ICAM3: variants seen among roughly 807,000 people sequenced by gnomAD.
ICAM3 encodes the protein ICAM-3.
Under a neutral mutation model 43.6 loss-of-function variants are expected in ICAM3, and 54 were observed. The ratio of observed to expected loss-of-function variants is 1.24; its 90% CI spans 0.99 to 1.55. The LOEUF (loss-of-function observed/expected upper bound fraction) is 1.55, where lower values mean the gene tolerates loss of function less well. ICAM3 is among the 40% of genes most tolerant of loss of function. The pLI, the probability that ICAM3 is intolerant of heterozygous loss-of-function variation, is 0.00. For missense variants in ICAM3, 715 were observed against 717.9 expected (o/e 1.00, Z 0.05); for synonymous variants, 306 against 312.6 (o/e 0.98, Z 0.22).
Position 10,333,804 on chromosome 19 carries a change from G to A in ICAM3, c.*53C>T. ...GGGAGTTTGAAGGCTTTATTGGTGC[G>A]GAATCTGAGGGCACAGCCAAGCCCC... On this transcript the variant is annotated 3_prime_UTR_variant, in exon 7 of 7. Transcript: ENST00000160262. The surrounding 1 kb of genome is among the most constrained non-coding windows in gnomAD (Gnocchi z 4.2). The A allele has an allele frequency of 6.4e-7, 1 of 1,569,844 alleles. No individual in the cohort carries two copies.
chr19:10,334,420 C>G lies in ICAM3; in HGVS notation c.1193-12G>C. Reference sequence around the variant, plus strand: ...AATTTTGGGACCATCTGTGGAACCACCATGTGTGATCAGACACCCAACACA... The same window carrying G: ...AATTTTGGGACCATCTGTGGAACCAGCATGTGTGATCAGACACCCAACACA... On this transcript the variant is annotated splice_polypyrimidine_tract_variant and intron_variant, in intron 5 of 6. Transcript: ENST00000160262. The surrounding 1 kb of genome is among the most constrained non-coding windows in gnomAD (Gnocchi z 5.5). The G allele has an allele frequency of 6.2e-7, 1 of 1,613,846 alleles. No homozygotes were observed. Among genetic ancestry groups the G allele is most frequent in the Non-Finnish European group, 8.5e-7 (1 of 1,179,832 alleles).
chr19:10,338,349 G>C (rs1015887181), intron 2 of ICAM3, among the ~76,000 whole-genome samples: 1 of 150,860 alleles, frequency 6.6e-6, no homozygotes, highest in Non-Finnish European at 1.5e-5. Flanking sequence ...GTTGCAGTGA[G>C]CCGACATCGT....
In ICAM3 at chr19:10,339,541, G is replaced by A; in HGVS notation, c.74C>T (p.Pro25Leu). The A allele has an allele frequency of 6.2e-7, 1 of 1,613,580 alleles. No individual in the cohort carries two copies. Residue 25 changes from proline to leucine, a missense_variant and splice_region_variant, in exon 1 of 7, where the codon CCA (proline) becomes CTA (leucine). Transcript: ENST00000160262. ...WTLLVCCLLT[P>L]GVQGQEFLLR... ...CTCCCCGGCTTGACTGGTCTCACCT[G>A]GGGTCAGCAGACAGCAGACCAGCAG...
Position 10,335,104 on chromosome 19 carries a change from C to A in ICAM3, c.899G>T (p.Gly300Val), listed in dbSNP as rs1444415218. The change falls in exon 4 of 7, where the codon GGC becomes GTC. Residue 300 changes from glycine to valine, a missense_variant. By Grantham distance (109) the Gly-to-Val change is moderately radical. Transcript: ENST00000160262. ...REIVCNVTLG[G>V]ERREARENLT... ...GTTCTCCCGGGCCTCCCGTCTCTCGCCCCCTAGGGTCACGTTGCAGACGAT... is the reference window on the plus strand; with the variant it reads ...GTTCTCCCGGGCCTCCCGTCTCTCGACCCCTAGGGTCACGTTGCAGACGAT... The A allele has an allele frequency of 1.9e-6, 3 of 1,613,666 alleles. No individual in the cohort carries two copies.
At position 10,338,878 on chromosome 19, in the gene ICAM3, CAG is replaced by C. The variant is rs749595089; in HGVS notation, c.145_146del (p.Leu49ValfsTer7). ...QNPVLSAGGSLFVNCSTDCPS... is the reference protein window; with the variant it reads ...QNPVLSAGGSXFVNCSTDCPS... ...GACAATCAGTACTGCAGTTCACAAA[CAG>C]GGACCCTCCAGCAGAGAGCACAGGG... On this transcript the variant is annotated frameshift_variant, in exon 2 of 7. Transcript: ENST00000160262. LOFTEE classifies it high-confidence loss of function. The C allele has an allele frequency of 1.2e-6, 2 of 1,614,172 alleles. No individual in the cohort carries two copies. The highest frequency in any genetic ancestry group is 3.3e-5 in the Admixed American group (2 of 60,006).
rs527279406 is a variant in ICAM3 at position 10,335,356 on chromosome 19, G to A, written c.650-3C>T. On this transcript the variant is annotated splice_polypyrimidine_tract_variant and splice_region_variant and intron_variant, in intron 3 of 6. Transcript: ENST00000160262. ...GCGCGGGGGGGTCACGGGCAGGACTGGGGAGAAAGGTGGGCATAGTACAAC... is the reference window on the plus strand; with the variant it reads ...GCGCGGGGGGGTCACGGGCAGGACTAGGGAGAAAGGTGGGCATAGTACAAC... 1 of 1,595,818 alleles carries A rather than the reference G, an allele frequency of 6.3e-7. No homozygotes were observed. The highest frequency in any genetic ancestry group is 1.3e-5 in the African/African-American group (1 of 74,656).
chr19:10,335,747 G>A lies in ICAM3; in HGVS notation c.573C>T (p.Arg191=), dbSNP rs1346640028. ...CCTGGGGCTGCATGTCCAGTTCTGTGCGGCATGAGAAAGGGGCTCCGTGGT... is the reference window on the plus strand; with the variant it reads ...CCTGGGGCTGCATGTCCAGTTCTGTACGGCATGAGAAAGGGGCTCCGTGGT... ...RDDHGAPFSC[R]TELDMQPQGL... Residue 191 remains arginine (R), a synonymous_variant, in exon 3 of 7, where the codon CGC becomes CGT. Transcript: ENST00000160262. 1.2e-6 allele frequency: 2 copies of A among 1,612,100 alleles called. No individual in the cohort carries two copies. The highest frequency in any genetic ancestry group is 2.2e-5 in the East Asian group (1 of 44,856).
intron 2 of ICAM3, chr19:10,336,189 C>A: frequency 3.9e-6 from 2 of 516,710 alleles, no homozygotes; most frequent in South Asian, 3.3e-5. Context: ...TTGCAAGGCG[C>A]TAAACAAAAC....
At position 10,339,557 on chromosome 19, in the gene ICAM3, A is replaced by C. The variant is rs145178286; in HGVS notation, c.58T>G (p.Cys20Gly). The C allele has an allele frequency of 1.9e-5, 30 of 1,613,892 alleles. No individual in the cohort carries two copies. The highest frequency in any genetic ancestry group is 5.0e-5 in the Admixed American group (3 of 59,998). ...GTCTCACCTGGGGTCAGCAGACAGC[A>C]GACCAGCAGAGTCCAGCAGGCCCTG... The part of the protein sequence containing the change: ...WPRACWTLLV[C>G]CLLTPGVQGQ... Residue 20 changes from cysteine to glycine, a missense_variant, in exon 1 of 7, where the codon TGC (cysteine) becomes GGC (glycine). Physicochemically the swap from Cys to Gly is radical, Grantham distance 159. Transcript: ENST00000160262.
At chr19:10,338,274 G>C (rs2040619015) in intron 2 of ICAM3, among the ~76,000 whole-genome samples, 1 of 151,874 alleles carries the variant, frequency 6.6e-6, no homozygotes, top group Admixed American at 6.6e-5. Context: ...GTGGTGGCGT[G>C]CATGTGTAAT....
chr19:10,339,453 G>T, intron 1 of ICAM3, 86 bp downstream of exon 1: 1 of 1,153,732 alleles, frequency 8.7e-7, no homozygotes, highest in South Asian at 1.3e-5. Context: ...GGCAGGATGT[G>T]AACAGCGTTG....
At position 10,339,313 on chromosome 19, in the gene ICAM3, G is replaced by GGT. The variant is rs371594208; in HGVS notation, c.76+224_76+225dup. 982 of 570,712 alleles carry GGT rather than the reference G, an allele frequency of 1.7e-3. 3 individuals are homozygous for GGT. Among genetic ancestry groups the GGT allele is most frequent in the African/African-American group, 0.014 (750 of 53,170 alleles). 35.4% of individuals were successfully genotyped at this position (570,712 alleles called of 1,614,324 possible). ...TTCAGATGGAGCAGGAAGCATGAGG[G>GGT]GTGTGTGTGTGTGTGTTAGGGGAGA... On this transcript the variant is annotated intron_variant, in intron 1 of 6. Coordinates refer to ENST00000160262, the MANE Select transcript of ICAM3 (RefSeq NM_002162.5).
At position 10,335,739 on chromosome 19, in the gene ICAM3, A is replaced by G. The variant is rs776505448; in HGVS notation, c.581T>C (p.Leu194Pro). 3.7e-6 allele frequency: 6 copies of G among 1,611,590 alleles called. No individual in the cohort carries two copies. In the South Asian group the frequency reaches 5.5e-5, roughly 15 times the overall value. Residue 194 changes from leucine (L) to proline (P), a missense_variant, in exon 3 of 7, where the codon CTG (leucine) becomes CCG (proline). Transcript: ENST00000160262. ...HGAPFSCRTE[L>P]DMQPQGLGLF... is the part of the protein sequence containing the mutation. ...TCCCAGCCCCTGGGGCTGCATGTCC[A>G]GTTCTGTGCGGCATGAGAAAGGGGC... is the stretch of plus-strand genomic sequence containing the variant.
At position 10,334,344 on chromosome 19, in the gene ICAM3, G is replaced by A; in HGVS notation, c.1257C>T (p.His419=). The A allele has an allele frequency of 1.2e-6, 2 of 1,614,190 alleles. No individual in the cohort carries two copies. The highest frequency in any genetic ancestry group is 1.7e-5 in the Admixed American group (1 of 60,010). The change falls in exon 6 of 7, where the codon CAC becomes CAT. Residue 419 remains histidine, a synonymous_variant. Transcript: ENST00000160262. The surrounding 1 kb of genome is among the most constrained non-coding windows in gnomAD (Gnocchi z 5.5). ...QHLKWKDKTR[H]VLQCQARGNP... is the part of the protein sequence containing the mutation. ...TGCCCCTGGCTTGGCACTGCAGGACGTGTCTCGTTTTATCTTTCCATTTCA... is the reference window on the plus strand; with the variant it reads ...TGCCCCTGGCTTGGCACTGCAGGACATGTCTCGTTTTATCTTTCCATTTCA...
chr19:10,335,883 G>A lies in ICAM3; in HGVS notation c.437C>T (p.Pro146Leu). The change falls in exon 3 of 7, where the codon CCC becomes CTC. Residue 146 changes from proline to leucine, a missense_variant. Physicochemically the swap from Pro to Leu is moderately conservative, Grantham distance 98. Coordinates refer to ENST00000160262, the MANE Select transcript of ICAM3 (RefSeq NM_002162.5). ...TLRCQVEDGS[P>L]RTSLTVVLLR... ...CAGCACCACCGTGAGGCTGGTCCGGGGCGACCCATCCTCCACTTGGCAGCG... is the reference window on the plus strand; with the variant it reads ...CAGCACCACCGTGAGGCTGGTCCGGAGCGACCCATCCTCCACTTGGCAGCG... 6 of 1,605,568 alleles carry A rather than the reference G, an allele frequency of 3.7e-6. No individual in the cohort carries two copies. Among genetic ancestry groups the A allele is most frequent in the Non-Finnish European group, 5.1e-6 (6 of 1,178,486 alleles).
At chr19:10,336,419 C>T (rs1398991080) in intron 2 of ICAM3, among the ~76,000 whole-genome samples, 3 of 152,004 alleles carry the variant, frequency 2.0e-5, no homozygotes, top group African/African-American at 7.3e-5. Context: ...TCCTGGTTCA[C>T]CAGCCCTGTG....
rs1272703443 is a variant in ICAM3, at chr19:10,335,708, G to A, written c.612C>T (p.Phe204=). Residue 204 remains phenylalanine, a synonymous_variant, in exon 3 of 7, where the codon TTC becomes TTT. Transcript: ENST00000160262. ...LDMQPQGLGL[F]VNTSAPRQLR... ...GCTGGCGGGGGGCTGAGGTGTTCAC[G>A]AACAGTCCCAGCCCCTGGGGCTGCA... 1.2e-6 allele frequency: 2 copies of A among 1,608,562 alleles called. No individual in the cohort carries two copies. The highest frequency in any genetic ancestry group is 1.1e-5 in the South Asian group (1 of 90,282).
chr19:10,333,971 G>A lies in ICAM3; in HGVS notation c.1530C>T (p.Phe510=). ...AACTGCCGCTCCGTTGGTGCTCCCT[G>A]AAGACGTACATTAAGGCCAGTACGA... ...VTIVLALMYV[F]REHQRSGSYH... is the part of the protein sequence containing the mutation. Residue 510 remains phenylalanine, a synonymous_variant, in exon 7 of 7, where the codon TTC becomes TTT. Transcript: ENST00000160262. The surrounding 1 kb of genome is among the most constrained non-coding windows in gnomAD (Gnocchi z 4.2). 1 of 1,614,142 alleles carries A rather than the reference G, an allele frequency of 6.2e-7. No homozygotes were observed. Among genetic ancestry groups the A allele is most frequent in the South Asian group, 1.1e-5 (1 of 91,088 alleles).
rs1241999626 is a variant in ICAM3, at chr19:10,338,035, C to T, written c.343+647G>A. 2.7e-5 allele frequency among the ~76,000 whole-genome samples: 4 copies of T among 149,732 alleles called. No individual in the cohort carries two copies. The East Asian group carries it at 5.9e-4, about 22-fold the overall frequency. The stretch of plus-strand genomic sequence containing the variant: ...TTAGCTGGACCTGGGAGGCAGAGGT[C>T]GCAGTGAGCCGAGATTGCACCACTG... On this transcript the variant is annotated intron_variant, in intron 2 of 6. Coordinates refer to ENST00000160262, the MANE Select transcript of ICAM3 (RefSeq NM_002162.5).
Sources: gnomAD v4.1 joint callset for allele counts (sites outside exome capture counted in the v4.1 genomes callset) on GRCh38, gnomAD v4.1.1 for gene constraint, Gnocchi (gnomAD v3.1) non-coding constraint, MANE v1.5 for transcripts, NCBI Gene and HGNC (gene_info 2026-07-23, HGNC 2026-07-21) for gene names.